Variants in SLC8A3 observed in about 807,000 individuals in gnomAD.
The protein encoded by SLC8A3 is solute carrier family 8 member A3, also known as sodium/calcium exchanger 3.
SLC8A3 carries 37 observed loss-of-function variants against 65.4 expected under a neutral mutation model. The ratio of observed to expected loss-of-function variants is 0.57; its 90% CI spans 0.44 to 0.74. SLC8A3 has a LOEUF of 0.74. Among genes scored for constraint, SLC8A3 ranks in the 30% least tolerant of loss-of-function variants. The pLI is 0.00. For missense variants in SLC8A3, 1,112 were observed against 1,172.1 expected (o/e 0.95, Z 0.75); for synonymous variants, 461 against 444.5 (o/e 1.04, Z -0.47).
intron 2 of SLC8A3, among the ~76,000 whole-genome samples, chr14:70,121,455 G>A (rs926071860): frequency 7.2e-5 from 11 of 152,330 alleles, no homozygotes; most frequent in Admixed American, 2.6e-4. Context: ...CTCTCGTCAA[G>A]TCTAACGTCC....
chr14:70,085,561 C>A (rs1055366286), intron 2 of SLC8A3, among the ~76,000 whole-genome samples: 5 of 152,184 alleles, frequency 3.3e-5, no homozygotes, highest in African/African-American at 9.7e-5. Context: ...CATGCCCAGT[C>A]CCATTTGGCA....
chr14:70,078,544 C>T (rs1449538560), intron 2 of SLC8A3, among the ~76,000 whole-genome samples: 1 of 152,124 alleles, frequency 6.6e-6, no homozygotes, highest in East Asian at 1.9e-4. Flanking sequence ...TACTTTACTG[C>T]CTACTCCCTC....
At chr14:70,048,427 A>G (rs915614871) in intron 6 of SLC8A3, 2 of 581,910 alleles carry the variant, frequency 3.4e-6, no homozygotes, top group Non-Finnish European at 6.1e-6. Context: ...TTACTTGGGC[A>G]TGTAGCTTAA....
In SLC8A3 at chr14:70,046,348, G is replaced by A; in HGVS notation, c.2390-25C>T. The A allele has an allele frequency of 6.3e-7, 1 of 1,577,756 alleles. No individual in the cohort carries two copies. ...TCTGGAAAAGGACAAAGACACATGG[G>A]AACTGGTAGGAGGCTAAGGTGTGCA... is the stretch of plus-strand genomic sequence containing the variant. On this transcript the variant is annotated intron_variant, in intron 6 of 6. Coordinates refer to ENST00000356921, the MANE Select transcript of SLC8A3 (RefSeq NM_182932.3). The surrounding 1 kb of genome is among the most constrained non-coding windows in gnomAD (Gnocchi z 4.2).
chr14:70,186,719 A>G (rs1226390855), intron 1 of SLC8A3, among the ~76,000 whole-genome samples: 1 of 152,164 alleles, frequency 6.6e-6, no homozygotes, highest in Admixed American at 6.5e-5. Flanking sequence ...ATCAGTCCAC[A>G]TCTAGTTACC....
intron 5 of SLC8A3, 71 bp from the exon 6 acceptor site, chr14:70,049,113 C>A: frequency 7.0e-7 from 1 of 1,428,578 alleles, no homozygotes; most frequent in Non-Finnish European, 9.6e-7. Flanking sequence ...AAGTCAAGCC[C>A]AACCCGCACC....
chr14:70,158,804 T>C (rs1006379582), intron 2 of SLC8A3, among the ~76,000 whole-genome samples: 2 of 152,172 alleles, frequency 1.3e-5, no homozygotes, highest in Non-Finnish European at 2.9e-5. Flanking sequence ...CTTATCCAAG[T>C]AATTTCTTAC....
intron 2 of SLC8A3, among the ~76,000 whole-genome samples, chr14:70,090,909 T>C (rs1247770427): frequency 2.0e-5 from 3 of 152,186 alleles, no homozygotes; most frequent in Non-Finnish European, 2.9e-5. Flanking sequence ...ATGCACATAC[T>C]CACACACAAT....
At chr14:70,061,683 A>C (rs954043314) in intron 2 of SLC8A3, among the ~76,000 whole-genome samples, 1 of 152,210 alleles carries the variant, frequency 6.6e-6, no homozygotes, top group Non-Finnish European at 1.5e-5. Context: ...ACAATATTAC[A>C]TAGGAATCCT....
chr14:70,182,901 A>G (rs1882877794), intron 1 of SLC8A3, among the ~76,000 whole-genome samples: 1 of 152,226 alleles, frequency 6.6e-6, no homozygotes, highest in African/African-American at 2.4e-5. Context: ...GCTCCTGGGC[A>G]CTGTGCAGGA....
At chr14:70,140,233 T>C (rs76460511) in intron 2 of SLC8A3, among the ~76,000 whole-genome samples, 7,486 of 151,954 alleles carry the variant, frequency 0.049, 224 homozygotes, top group Middle Eastern at 0.075. Context: ...TCGGAGAAAA[T>C]GAGTGGAGAA....
intron 1 of SLC8A3, among the ~76,000 whole-genome samples, chr14:70,173,608 C>T (rs17765593): frequency 0.032 from 4,844 of 152,276 alleles, 104 homozygotes; most frequent in Non-Finnish European, 0.05. Flanking sequence ...GAACACTGCT[C>T]CGGGCATGTC....
intron 1 of SLC8A3, among the ~76,000 whole-genome samples, chr14:70,170,256 G>C (rs1327948832): frequency 6.6e-6 from 1 of 151,876 alleles, no homozygotes; most frequent in African/African-American, 2.4e-5. Flanking sequence ...CCTTCATCCC[G>C]TCACTCTCTC....
intron 2 of SLC8A3, among the ~76,000 whole-genome samples, chr14:70,146,347 C>T (rs1383572575): frequency 6.6e-6 from 1 of 152,146 alleles, no homozygotes; most frequent in Non-Finnish European, 1.5e-5. Flanking sequence ...GGCTCCTCCA[C>T]TACATTTCAC....
intron 1 of SLC8A3, among the ~76,000 whole-genome samples, chr14:70,169,327 C>T (rs905972160): frequency 1.5e-4 from 23 of 152,138 alleles, no homozygotes; most frequent in African/African-American, 4.8e-4. Context: ...ACCAAGTTCA[C>T]AGCAGCTCTG....
chr14:70,100,091 A>G (rs1057302442), intron 2 of SLC8A3, among the ~76,000 whole-genome samples: 2 of 152,340 alleles, frequency 1.3e-5, no homozygotes, highest in East Asian at 1.9e-4. Context: ...TCTCCTCTTC[A>G]TCTTTTATAA....
intron 1 of SLC8A3, among the ~76,000 whole-genome samples, chr14:70,178,601 C>T (rs974054437): frequency 1.3e-5 from 2 of 152,190 alleles, no homozygotes; most frequent in African/African-American, 4.8e-5. Flanking sequence ...AGATTAACTT[C>T]AAGGTAATCT....
In SLC8A3 at chr14:70,153,087, G is replaced by C. The variant is rs145489178; in HGVS notation, c.1784+13552C>G. On this transcript the variant is annotated intron_variant, in intron 2 of 6. Coordinates refer to ENST00000356921, the MANE Select transcript of SLC8A3 (RefSeq NM_182932.3). The stretch of plus-strand genomic sequence containing the variant: ...TATTGCTGAAGCTGGGACAGGAGAG[G>C]AGGAAGGGCTGAAGAATGCAAAATG... 2.5e-3 allele frequency among the ~76,000 whole-genome samples: 383 copies of C among 152,258 alleles called. 3 individuals carry two copies. Among genetic ancestry groups the C allele is most frequent in the African/African-American group, 8.9e-3 (371 of 41,536 alleles).
At position 70,045,699 on chromosome 14, in the gene SLC8A3, T is replaced by G; in HGVS notation, c.*248A>C. On this transcript the variant is annotated 3_prime_UTR_variant, in exon 7 of 7. Transcript: ENST00000356921. ...GAGGGGGAGATGGGGTGGAGGTGGA[T>G]TTGTTGCTGTTGCTTGTTTGTATTC... The G allele has an allele frequency of 2.4e-5, 9 of 375,194 alleles. No individual in the cohort carries two copies. The highest frequency in any genetic ancestry group is 4.0e-5 in the Admixed American group (1 of 24,820). 23.2% of individuals were successfully genotyped at this position (375,194 alleles called of 1,614,324 possible).
Sources: gnomAD v4.1 joint callset for allele counts (sites outside exome capture counted in the v4.1 genomes callset) on GRCh38, gnomAD v4.1.1 for gene constraint, Gnocchi (gnomAD v3.1) non-coding constraint, MANE v1.5 for transcripts, NCBI Gene and HGNC (gene_info 2026-07-23, HGNC 2026-07-21) for gene names.